ACTA2: variants seen among roughly 807,000 people sequenced by gnomAD.
ACTA2 encodes actin alpha 2, smooth muscle.
In ACTA2, 12 loss-of-function variants were observed where a neutral mutation model predicts 39.5. The ratio of observed to expected loss-of-function variants is 0.30; its 90% CI spans 0.19 to 0.49. The LOEUF (loss-of-function observed/expected upper bound fraction) is 0.49, where lower values mean the gene tolerates loss of function less well. Among genes scored for constraint, ACTA2 ranks in the 20% least tolerant of loss-of-function variants. ACTA2 has a pLI of 0.99. For synonymous variants in ACTA2, 158 were observed against 180.6 expected, an observed-to-expected ratio of 0.88 and a Z score of 1.00; for missense variants, 236 against 498.8, an observed-to-expected ratio of 0.47 and a Z score of 5.02.
chr10:88,981,814 A>G (rs1846720893), intron 1 of ACTA2, among the ~76,000 whole-genome samples: 1 of 152,186 alleles, frequency 6.6e-6, no homozygotes, highest in Non-Finnish European at 1.5e-5. Context: ...CTTTCCATGA[A>G]AAACAGCAAT....
intron 1 of ACTA2, chr10:88,973,332 T>C: frequency 6.5e-7 from 1 of 1,542,052 alleles, no homozygotes; most frequent in Non-Finnish European, 8.7e-7. Context: ...AGAAGTGGAA[T>C]GGAGAAGGTG....
intron 1 of ACTA2, chr10:88,989,495 G>A (rs760769743): frequency 3.7e-6 from 2 of 544,006 alleles, no homozygotes; most frequent in South Asian, 1.4e-5. Context: ...CACAAGGCTG[G>A]CACGCCCAGG....
intron 7 of ACTA2, 151 bp from the exon 8 acceptor site, chr10:88,938,393 G>T: frequency 1.2e-6 from 1 of 862,220 alleles, no homozygotes; most frequent in African/African-American, 1.7e-5. Context: ...AGAGACAAAA[G>T]GGTCTTGTTA....
intron 1 of ACTA2, among the ~76,000 whole-genome samples, chr10:88,982,251 A>G (rs11202918): frequency 0.35 from 53,661 of 151,998 alleles, 10,241 homozygotes; most frequent in East Asian, 0.52. Context: ...CATTGAATGA[A>G]ATCATATTTA....
Position 88,990,468 on chromosome 10 carries a change from G to A in ACTA2, c.-24+471C>T. 3.8e-6 allele frequency: 2 copies of A among 530,582 alleles called. No individual in the cohort carries two copies. Among genetic ancestry groups the A allele is most frequent in the South Asian group, 3.3e-5 (2 of 59,972 alleles). 32.9% of individuals were successfully genotyped at this position (530,582 alleles called of 1,614,324 possible). On this transcript the variant is annotated intron_variant, in intron 1 of 4. Transcript: ENST00000415557. The surrounding 1 kb of genome is among the most constrained non-coding windows in gnomAD (Gnocchi z 4.9). The stretch of plus-strand genomic sequence containing the variant: ...TGCCAGCCACTGCAGGAACGCCCCG[G>A]GACAGGAATGCCCATTTGTGCAACG...
chr10:88,957,795 T>C (rs542819188), intron 1 of ACTA2, among the ~76,000 whole-genome samples: 1 of 151,844 alleles, frequency 6.6e-6, no homozygotes, highest in Non-Finnish European at 1.5e-5. Context: ...TGAGCTGGAG[T>C]CTTGCTCTGT....
intron 8 of ACTA2, among the ~76,000 whole-genome samples, chr10:88,935,771 A>G (rs1420556781): frequency 6.6e-6 from 1 of 152,208 alleles, no homozygotes; most frequent in East Asian, 1.9e-4. Context: ...AGAAGTTTTA[A>G]TTGTGCTAGG....
rs144556362 is a variant in ACTA2 at position 88,961,196 on chromosome 10, T to C, written c.-23-12243A>G. On this transcript the variant is annotated intron_variant, in intron 1 of 4. Coordinates refer to the ACTA2 transcript ENST00000415557. ...CTCATGGGTTATGTCTACAGAGAAATAGATTTCCTTCACCTTCACCTAGAA... is the reference window on the plus strand; with the variant it reads ...CTCATGGGTTATGTCTACAGAGAAACAGATTTCCTTCACCTTCACCTAGAA... Among the ~76,000 whole-genome samples the C allele has an allele frequency of 8.1e-3, 1,236 of 152,262 alleles. 18 individuals carry two copies. Among genetic ancestry groups the C allele is most frequent in the African/African-American group, 0.025 (1,050 of 41,552 alleles).
At chr10:88,942,024 A>G (rs571537330) in intron 4 of ACTA2, among the ~76,000 whole-genome samples, 155 bp from the exon 5 acceptor site, 1 of 152,282 alleles carries the variant, frequency 6.6e-6, no homozygotes, top group South Asian at 2.1e-4. Context: ...TGGTCACGTT[A>G]AAGAGGAGAA....
At chr10:88,975,078 G>A (rs1009025210) in intron 1 of ACTA2, 1 of 151,722 alleles carries the variant, frequency 6.6e-6, no homozygotes, top group African/African-American at 2.4e-5. Context: ...GCATTTAACT[G>A]TTATTACAGG....
At chr10:88,972,058 A>G (rs894564743) in intron 1 of ACTA2, among the ~76,000 whole-genome samples, 1 of 151,884 alleles carries the variant, frequency 6.6e-6, no homozygotes, top group East Asian at 1.9e-4. Flanking sequence ...ACAGGCTCAC[A>G]CCACCACGCC....
In ACTA2 at chr10:88,990,645, C is replaced by T. The variant is rs1268622039; in HGVS notation, c.-24+294G>A. The T allele has an allele frequency of 1.4e-6, 1 of 696,638 alleles. No homozygotes were observed. The highest frequency in any genetic ancestry group is 2.6e-6 in the Non-Finnish European group (1 of 383,026). 43.2% of individuals were successfully genotyped at this position (696,638 alleles called of 1,614,324 possible). On this transcript the variant is annotated intron_variant, in intron 1 of 4. Coordinates refer to the ACTA2 transcript ENST00000415557. This position sits in a 1 kb window ranked among gnomAD's most constrained non-coding sequence, Gnocchi z 4.9. ...CCACCGGGGCTTTTCGTGAGCTCGT[C>T]TCTGATCTCGCGCAAGAGTGACACA...
intron 1 of ACTA2, among the ~76,000 whole-genome samples, chr10:88,967,068 G>C (rs1266249238): frequency 6.6e-6 from 1 of 152,162 alleles, no homozygotes; most frequent in East Asian, 1.9e-4. Flanking sequence ...TTAGCCCCTA[G>C]AAAAGAAAGT....
intron 2 of ACTA2, 43 bp downstream of exon 2, chr10:88,948,759 C>T (rs373332226): frequency 6.2e-7 from 1 of 1,612,458 alleles, no homozygotes. Flanking sequence ...CACAGAGGAA[C>T]CTAATCTGTG....
chr10:88,978,722 G>A lies in ACTA2; in HGVS notation c.-24+12217C>T, dbSNP rs78996063. Among the ~76,000 whole-genome samples the A allele has an allele frequency of 1.5e-3, 227 of 152,230 alleles. 1 individual carries two copies. Among genetic ancestry groups the A allele is most frequent in the Non-Finnish European group, 2.8e-3 (190 of 68,018 alleles). On this transcript the variant is annotated intron_variant, in intron 1 of 4. Transcript: ENST00000415557. Reference sequence around the variant, plus strand: ...GGGAACTGAAGATGTCTAGGTGTCTGGGTCACCCTGAGAGGGGGAGTTTAT... The same window carrying A: ...GGGAACTGAAGATGTCTAGGTGTCTAGGTCACCCTGAGAGGGGGAGTTTAT...
chr10:88,946,416 T>A (rs916656522), intron 3 of ACTA2, among the ~76,000 whole-genome samples: 2 of 151,932 alleles, frequency 1.3e-5, no homozygotes, highest in Non-Finnish European at 2.9e-5. Flanking sequence ...TCTTCTTTTT[T>A]TTGAGATAGG....
intron 3 of ACTA2, among the ~76,000 whole-genome samples, chr10:88,944,898 A>T (rs1472540762): frequency 6.6e-6 from 1 of 151,202 alleles, no homozygotes; most frequent in Non-Finnish European, 1.5e-5. Flanking sequence ...ATCAAAACAG[A>T]GCAAAACAAG....
intron 1 of ACTA2, among the ~76,000 whole-genome samples, chr10:88,975,776 G>A (rs995366855): frequency 6.6e-6 from 1 of 152,182 alleles, no homozygotes; most frequent in Non-Finnish European, 1.5e-5. Flanking sequence ...AGAGCAGGAG[G>A]TGACTTGGTG....
chr10:88,974,485 G>A (rs1846519940), intron 1 of ACTA2: 1 of 152,140 alleles, frequency 6.6e-6, no homozygotes, highest in Admixed American at 6.5e-5. Context: ...TTTAAAAAAT[G>A]AATTCCTCTT....
Sources: gnomAD v4.1 joint callset for allele counts (sites outside exome capture counted in the v4.1 genomes callset) on GRCh38, gnomAD v4.1.1 for gene constraint, Gnocchi (gnomAD v3.1) non-coding constraint, MANE v1.5 for transcripts, NCBI Gene and HGNC (gene_info 2026-07-23, HGNC 2026-07-21) for gene names.